The following DSCAM variants were observed in gnomAD, a reference collection of about 807,000 sequenced individuals.
The protein encoded by DSCAM is DS cell adhesion molecule, also known as cell adhesion molecule DSCAM.
In DSCAM, 47 loss-of-function variants were observed where a neutral mutation model predicts 217.7. That is an observed-to-expected ratio of 0.22 (90% CI 0.17 to 0.28). DSCAM has a LOEUF of 0.28. Ranked by LOEUF, DSCAM falls within the 10% of genes least tolerant of loss-of-function variation. DSCAM has a pLI of 1.00. For missense variants in DSCAM, 2,080 were observed against 2,618.3 expected (o/e 0.79, Z 4.49); for synonymous variants, 1,056 against 1,015.3 (o/e 1.04, Z -0.76).
intron 32 of DSCAM, among the ~76,000 whole-genome samples, chr21:40,013,859 C>T (rs1214507364): frequency 6.6e-6 from 1 of 152,204 alleles, no homozygotes; most frequent in Non-Finnish European, 1.5e-5. Context: ...ACCTTGTGAC[C>T]TTGGCCAGCC....
chr21:40,437,247 T>C (rs2075591358), intron 3 of DSCAM, among the ~76,000 whole-genome samples: 2 of 152,148 alleles, frequency 1.3e-5, no homozygotes, highest in South Asian at 2.1e-4. Flanking sequence ...TTCAGGACCA[T>C]TTTCAAGCAA....
chr21:40,590,165 C>T (rs1408808700), intron 3 of DSCAM, among the ~76,000 whole-genome samples: 3 of 152,202 alleles, frequency 2.0e-5, no homozygotes. Context: ...ACAGGGAAGA[C>T]CAAGCCTAGG....
In DSCAM at chr21:40,111,627, G is replaced by C. The variant is rs183900169; in HGVS notation, c.3696+12568C>G. On this transcript the variant is annotated intron_variant, in intron 20 of 32. Coordinates refer to ENST00000400454, the MANE Select transcript of DSCAM (RefSeq NM_001389.5). ...TTAAAAGACACTGACTGGCAAATTG[G>C]ATAAAGAGTCAAGACCCATCAGTGT... Among the ~76,000 whole-genome samples, 1,357 of 152,236 alleles carry C rather than the reference G, an allele frequency of 8.9e-3. 24 individuals are homozygous for C. Among genetic ancestry groups the C allele is most frequent in the African/African-American group, 0.031 (1,270 of 41,540 alleles).
chr21:40,575,270 C>A (rs1203027448), intron 3 of DSCAM, among the ~76,000 whole-genome samples: 1 of 151,646 alleles, frequency 6.6e-6, no homozygotes, highest in Non-Finnish European at 1.5e-5. Flanking sequence ...CTTTACCTAC[C>A]CAAATCTTAT....
chr21:40,558,962 A>G (rs910349304), intron 3 of DSCAM, among the ~76,000 whole-genome samples: 13 of 152,220 alleles, frequency 8.5e-5, no homozygotes, highest in Non-Finnish European at 1.5e-5. Flanking sequence ...ACAGTGCCCG[A>G]TTAAAGGACA....
At chr21:40,675,014 AACAC>A (rs375640720) in intron 3 of DSCAM, among the ~76,000 whole-genome samples, 1 of 129,046 alleles carries the variant, frequency 7.7e-6, no homozygotes, top group African/African-American at 2.5e-5. Context: ...TCATTATATA[AACAC>A]ACACACACAC....
At chr21:40,361,167 C>A (rs961357699) in intron 4 of DSCAM, among the ~76,000 whole-genome samples, 15 of 151,544 alleles carry the variant, frequency 9.9e-5, no homozygotes, top group Non-Finnish European at 2.2e-4. Context: ...ATTTTTACCC[C>A]AAACATTTGA....
intron 26 of DSCAM, 134 bp from the exon 27 acceptor site, chr21:40,075,347 G>A: frequency 1.0e-6 from 1 of 952,672 alleles, no homozygotes; most frequent in East Asian, 2.6e-5. Context: ...AAAGAACTCT[G>A]TCTCTAGGCC....
Position 40,085,734 on chromosome 21 carries a change from C to A in DSCAM, c.4000G>T (p.Gly1334Trp), listed in dbSNP as rs1489287210. Residue 1334 changes from glycine to tryptophan, a missense_variant, in exon 23 of 33, where the codon GGG becomes TGG. This residue lies in a region of DSCAM where 1,144 missense variants were observed against 1,421.1 expected (regional missense o/e 0.81). Transcript: ENST00000400454. ...NGTPSLVTID[G>W]RRSIFSNGSF... ...CCGTTGCTAAAGATGCTCCTCCGCC[C>A]ATCAATCGTTACTAGACTGGGTGTC... 1 of 1,575,660 alleles carries A rather than the reference C, an allele frequency of 6.3e-7. No individual in the cohort carries two copies. The highest frequency in any genetic ancestry group is 1.1e-5 in the South Asian group (1 of 87,122).
At chr21:40,197,853 T>C (rs2091029758) in intron 11 of DSCAM, among the ~76,000 whole-genome samples, 1 of 152,224 alleles carries the variant, frequency 6.6e-6, no homozygotes, top group African/African-American at 2.4e-5. Context: ...CCTAAAGTCA[T>C]ACAACTAGTA....
intron 15 of DSCAM, among the ~76,000 whole-genome samples, chr21:40,168,176 T>C (rs569395977): frequency 1.3e-5 from 2 of 152,208 alleles, no homozygotes; most frequent in Non-Finnish European, 2.9e-5. Context: ...AAGCAACCTA[T>C]TTCTGCTGAG....
chr21:40,326,725 T>C (rs559034699), intron 8 of DSCAM, among the ~76,000 whole-genome samples: 1 of 152,222 alleles, frequency 6.6e-6, no homozygotes, highest in Non-Finnish European at 1.5e-5. Context: ...AGTGAACCAC[T>C]GCACAGATCG....
chr21:40,644,788 G>A (rs1172675294), intron 3 of DSCAM, among the ~76,000 whole-genome samples: 1 of 151,928 alleles, frequency 6.6e-6, no homozygotes, highest in Admixed American at 6.6e-5. Context: ...CATTTTTTGT[G>A]GATTTTGTTT....
intron 3 of DSCAM, among the ~76,000 whole-genome samples, chr21:40,536,408 T>C (rs1396986251): frequency 6.6e-6 from 1 of 150,576 alleles, no homozygotes; most frequent in African/African-American, 2.4e-5. Flanking sequence ...GTCTTTTTTT[T>C]TTTTTTTTTT....
At position 40,449,403 on chromosome 21, in the gene DSCAM, C is replaced by T. The variant is rs148079633; in HGVS notation, c.509-80158G>A. Among the ~76,000 whole-genome samples the T allele has an allele frequency of 1.4e-3, 207 of 152,244 alleles. 2 individuals are homozygous for T. Among genetic ancestry groups the T allele is most frequent in the Non-Finnish European group, 2.3e-3 (154 of 68,018 alleles). ...TCACCTGTAAGAGCTGTACATCCCA[C>T]AATGTGAAATTGTAAATGCATGACA... On this transcript the variant is annotated intron_variant, in intron 3 of 32. Transcript: ENST00000400454.
intron 3 of DSCAM, among the ~76,000 whole-genome samples, chr21:40,530,012 T>C (rs2076430763): frequency 6.6e-6 from 1 of 152,206 alleles, no homozygotes; most frequent in Admixed American, 6.5e-5. Context: ...GGGTGCTGTT[T>C]ATTTCAAGAG....
At chr21:40,714,228 C>T (rs2090815401) in intron 1 of DSCAM, among the ~76,000 whole-genome samples, 1 of 152,184 alleles carries the variant, frequency 6.6e-6, no homozygotes, top group Admixed American at 6.5e-5. Flanking sequence ...GCAGCAGAGA[C>T]TGTCCACTAG....
intron 3 of DSCAM, among the ~76,000 whole-genome samples, chr21:40,636,087 G>A (rs2089754479): frequency 6.6e-6 from 1 of 152,154 alleles, no homozygotes; most frequent in Non-Finnish European, 1.5e-5. Flanking sequence ...GGTAACTCGA[G>A]ATAGATTATG....
rs150073642 is a variant in DSCAM at position 40,764,717 on chromosome 21, T to C, written c.44-55946A>G. On this transcript the variant is annotated intron_variant, in intron 1 of 32. Transcript: ENST00000400454. ...AACCAACCCAAATACCCATCAATGA[T>C]AGACTGGATAAAGAAAATATGGCAC... Among the ~76,000 whole-genome samples the C allele has an allele frequency of 7.5e-3, 1,139 of 152,246 alleles. 14 individuals are homozygous for C. The highest frequency in any genetic ancestry group is 0.026 in the African/African-American group (1,086 of 41,512).
Sources: allele counts gnomAD v4.1 joint callset (sites outside exome capture counted in the v4.1 genomes callset), GRCh38; gene constraint gnomAD v4.1.1; regional missense constraint gnomAD v4.1.1; transcripts MANE v1.5; gene names NCBI Gene and HGNC (gene_info 2026-07-23, HGNC 2026-07-21).